The following NCOA6 variants were observed in gnomAD, a reference collection of about 807,000 sequenced individuals.
NCOA6 encodes nuclear receptor coactivator 6, also known as NRC RAP250.
A neutral mutation model predicts 171.4 loss-of-function variants in NCOA6; 49 were observed. The ratio of observed to expected loss-of-function variants is 0.29; its 90% CI spans 0.23 to 0.36. NCOA6 has a LOEUF of 0.36. Ranked by LOEUF, NCOA6 falls within the 10% of genes least tolerant of loss-of-function variation. The probability of loss-of-function intolerance (pLI) is 1.00; values close to 1 mark genes in which losing one functional copy is unlikely to be tolerated. For missense variants in NCOA6, 2,248 were observed against 2,554.5 expected, an observed-to-expected ratio of 0.88 and a Z score of 2.59; for synonymous variants, 910 against 927.5, an observed-to-expected ratio of 0.98 and a Z score of 0.34.
At chr20:34,764,635 A>G (rs1419968543) in intron 5 of NCOA6, among the ~76,000 whole-genome samples, 1 of 152,004 alleles carries the variant, frequency 6.6e-6, no homozygotes, top group Non-Finnish European at 1.5e-5. Flanking sequence ...CAGTGAGCCA[A>G]GATCGCGCAA....
Position 34,737,798 on chromosome 20 carries a change from T to C in NCOA6, c.5894-1040A>G, listed in dbSNP as rs576022368. ...CTCCCTGCTTAGCAAAGCAGTAAAT[T>C]ATGCATTTGTGTTTAAGAATTTATT... On this transcript the variant is annotated intron_variant, in intron 11 of 14. Transcript: ENST00000359003. 2.0e-5 allele frequency among the ~76,000 whole-genome samples: 3 copies of C among 152,366 alleles called. No homozygotes were observed. In the South Asian group the frequency reaches 6.2e-4, roughly 32 times the overall value.
chr20:34,757,812 C>T lies in NCOA6; in HGVS notation c.936G>A (p.Val312=), dbSNP rs1379179745. 2 of 1,614,082 alleles carry T rather than the reference C, an allele frequency of 1.2e-6. No homozygotes were observed. The highest frequency in any genetic ancestry group is 4.5e-5 in the East Asian group (2 of 44,866). ...GCTGGTTCCAGCCTGGAGGAACAGG[C>T]ACCTGAGTTGGGGCAGTAAACTGGG... is the stretch of plus-strand genomic sequence containing the variant. The part of the protein sequence containing the change: ...IRPQFTAPTQ[V]PVPPGWNQLP... The change falls in exon 7 of 15, where the codon GTG becomes GTA. Residue 312 remains valine, a synonymous_variant. Transcript: ENST00000359003.
In NCOA6 at chr20:34,743,244, C is replaced by T; in HGVS notation, c.3012G>A (p.Gln1004=). The change falls in exon 11 of 15, where the codon CAG becomes CAA. Residue 1004 remains glutamine, a synonymous_variant. Transcript: ENST00000359003. ...GCTGCTGAGGCAGTTGTGGCTGTGG[C>T]TGCTGCTGTGGTGGCTGTGGTGGGG... The part of the protein sequence containing the change: ...VAPPPQPPQQ[Q]PQPQLPQQQQ... The T allele has an allele frequency of 6.2e-7, 1 of 1,613,958 alleles. No individual in the cohort carries two copies. The highest frequency in any genetic ancestry group is 8.5e-7 in the Non-Finnish European group (1 of 1,179,970).
intron 14 of NCOA6, 111 bp from the exon 15 acceptor site, chr20:34,715,476 AAT>A: frequency 1.3e-6 from 1 of 785,464 alleles, no homozygotes; most frequent in Non-Finnish European, 2.2e-6. Flanking sequence ...CTCAACTCAG[AAT>A]CTGTCTAAGG....
chr20:34,823,862 G>T (rs1349538145), intron 1 of NCOA6, among the ~76,000 whole-genome samples: 3 of 152,108 alleles, frequency 2.0e-5, no homozygotes, highest in Non-Finnish European at 4.4e-5. Context: ...GCCACATCAG[G>T]TGGCTAATTT....
At chr20:34,733,959 T>C (rs1026685210) in intron 12 of NCOA6, among the ~76,000 whole-genome samples, 1 of 147,640 alleles carries the variant, frequency 6.8e-6, no homozygotes, top group Non-Finnish European at 1.5e-5. Flanking sequence ...CCACAAAAAA[T>C]AGATACCAAT....
chr20:34,727,638 T>C (rs1033754933), intron 13 of NCOA6, among the ~76,000 whole-genome samples: 9 of 152,032 alleles, frequency 5.9e-5, no homozygotes, highest in African/African-American at 2.2e-4. Context: ...TAAAGCATAA[T>C]GTTGGTGAAA....
At chr20:34,799,951 T>A (rs1391283826) in intron 1 of NCOA6, among the ~76,000 whole-genome samples, 2 of 152,140 alleles carry the variant, frequency 1.3e-5, no homozygotes, top group Non-Finnish European at 2.9e-5. Flanking sequence ...CACAGAATAT[T>A]ATAACACTGT....
intron 1 of NCOA6, among the ~76,000 whole-genome samples, chr20:34,823,625 T>C (rs2079070201): frequency 6.6e-6 from 1 of 152,174 alleles, no homozygotes; most frequent in Admixed American, 6.5e-5. Context: ...TCTGGGTGTC[T>C]ACAATTTTTC....
Position 34,741,886 on chromosome 20 carries a change from T to C in NCOA6, c.4370A>G (p.Gln1457Arg), listed in dbSNP as rs762313445. Residue 1457 changes from glutamine (Q) to arginine (R), a missense_variant, in exon 11 of 15, where the codon CAG becomes CGG. By Grantham distance (43) the Gln-to-Arg change is conservative. Coordinates refer to ENST00000359003, the MANE Select transcript of NCOA6 (RefSeq NM_014071.5). ...QEVKMVVPED[Q>R]SKKDGQPSDP... ...CGAAGGCTGCCCATCCTTTTTGGAC[T>C]GATCTTCAGGGACAACCATTTTAAC... 1.2e-6 allele frequency: 2 copies of C among 1,614,242 alleles called. No individual in the cohort carries two copies. Among genetic ancestry groups the C allele is most frequent in the South Asian group, 1.1e-5 (1 of 91,080 alleles).
In NCOA6 at chr20:34,782,402, C is replaced by T. The variant is rs1307823759; in HGVS notation, c.-47G>A. 8 of 1,242,718 alleles carry T rather than the reference C, an allele frequency of 6.4e-6. No individual in the cohort carries two copies. The highest frequency in any genetic ancestry group is 9.0e-6 in the Non-Finnish European group (8 of 887,556). 77.0% of individuals were successfully genotyped at this position (1,242,718 alleles called of 1,614,324 possible). ...ATATGCCAAGAGGACAATAAGAAAA[C>T]TTCTGAAAAGAGAAGATGCAAAAGA... On this transcript the variant is annotated splice_region_variant and 5_prime_UTR_variant, in exon 3 of 15. Coordinates refer to ENST00000359003, the MANE Select transcript of NCOA6 (RefSeq NM_014071.5).
At chr20:34,812,227 T>A (rs2078690127) in intron 1 of NCOA6, among the ~76,000 whole-genome samples, 1 of 150,706 alleles carries the variant, frequency 6.6e-6, no homozygotes. Flanking sequence ...CACTCCAGTG[T>A]GGCGACAGAT....
chr20:34,769,616 G>A (rs932710371), intron 4 of NCOA6, among the ~76,000 whole-genome samples: 1 of 152,086 alleles, frequency 6.6e-6, no homozygotes. Flanking sequence ...CACCCACCTC[G>A]GCCTCCCAAA....
At chr20:34,751,142 G>A (rs1026447013) in intron 8 of NCOA6, among the ~76,000 whole-genome samples, 13 of 151,174 alleles carry the variant, frequency 8.6e-5, no homozygotes, top group Admixed American at 3.3e-4. Context: ...AGGCCGAGGC[G>A]GGTGGATCAC....
At chr20:34,810,529 G>A (rs1016162109) in intron 1 of NCOA6, among the ~76,000 whole-genome samples, 5 of 151,612 alleles carry the variant, frequency 3.3e-5, no homozygotes, top group African/African-American at 9.7e-5. Flanking sequence ...AAAGCCTAAC[G>A]CCCATGCAAC....
At chr20:34,739,438 C>T (rs895885357) in intron 11 of NCOA6, among the ~76,000 whole-genome samples, 13 of 152,246 alleles carry the variant, frequency 8.5e-5, no homozygotes, top group African/African-American at 2.9e-4. Flanking sequence ...GGCTCTTGAC[C>T]ACTTTGTTTC....
chr20:34,729,624 C>A (rs1990371916), intron 13 of NCOA6, among the ~76,000 whole-genome samples: 1 of 152,172 alleles, frequency 6.6e-6, no homozygotes, highest in Admixed American at 6.5e-5. Context: ...GATCTCATTT[C>A]CCAAGTAGAG....
intron 14 of NCOA6, among the ~76,000 whole-genome samples, chr20:34,722,054 C>CAAA (rs71196757): frequency 4.7e-5 from 3 of 63,386 alleles, no homozygotes; most frequent in African/African-American, 6.4e-5. Flanking sequence ...GACCCTGTCT[C>CAAA]AAAAAAAAAA....
At chr20:34,752,774 A>T (rs1445848714) in intron 8 of NCOA6, among the ~76,000 whole-genome samples, 1 of 151,808 alleles carries the variant, frequency 6.6e-6, no homozygotes, top group Admixed American at 6.6e-5. Flanking sequence ...ACTAAAAATT[A>T]AAAAAATAGC....
Sources: allele counts gnomAD v4.1 joint callset (sites outside exome capture counted in the v4.1 genomes callset), GRCh38; gene constraint gnomAD v4.1.1; transcripts MANE v1.5; gene names NCBI Gene and HGNC (gene_info 2026-07-23, HGNC 2026-07-21).